The following MYO5B variants were observed in gnomAD, a reference collection of about 807,000 sequenced individuals.
MYO5B encodes unconventional myosin-Vb.
A neutral mutation model predicts 229.3 loss-of-function variants in MYO5B; 143 were observed. That is an observed-to-expected ratio of 0.62 (90% CI 0.54 to 0.72). The LOEUF (loss-of-function observed/expected upper bound fraction) is 0.72, where lower values mean the gene tolerates loss of function less well. Among genes scored for constraint, MYO5B ranks in the 30% least tolerant of loss-of-function variants. The probability of loss-of-function intolerance (pLI) is 0.00; values close to 1 mark genes in which losing one functional copy is unlikely to be tolerated. For synonymous variants in MYO5B, 918 were observed against 885.2 expected (o/e 1.04, Z -0.66); for missense variants, 2,321 against 2,331.0 (o/e 1.00, Z 0.09).
intron 14 of MYO5B, among the ~76,000 whole-genome samples, chr18:49,941,004 C>T (rs1246865085): frequency 6.6e-6 from 1 of 152,176 alleles, no homozygotes; most frequent in Non-Finnish European, 1.5e-5. Flanking sequence ...GTTTTAGAGT[C>T]AAGAGAAATT....
chr18:50,033,680 G>T (rs2026415646), intron 4 of MYO5B, among the ~76,000 whole-genome samples: 1 of 152,174 alleles, frequency 6.6e-6, no homozygotes, highest in Non-Finnish European at 1.5e-5. Context: ...ACACAGCTAA[G>T]AAGTGGAGGT....
intron 1 of MYO5B, among the ~76,000 whole-genome samples, chr18:50,062,984 A>T (rs2030726081): frequency 6.6e-6 from 1 of 152,152 alleles, no homozygotes; most frequent in Non-Finnish European, 1.5e-5. Context: ...GTTAGGATTA[A>T]ATAATGTATA....
chr18:49,887,744 G>A (rs565155314), intron 22 of MYO5B, among the ~76,000 whole-genome samples: 24 of 152,190 alleles, frequency 1.6e-4, no homozygotes, highest in South Asian at 6.2e-4. Context: ...GCAGTGGCGC[G>A]ATCTCAGCTC....
intron 5 of MYO5B, among the ~76,000 whole-genome samples, chr18:49,996,454 CCACACAATCAGATGCTATAAAG>C (rs2025988254): frequency 6.6e-6 from 1 of 152,120 alleles, no homozygotes; most frequent in Non-Finnish European, 1.5e-5. Flanking sequence ...TGTGGTATAT[CCACACAATCAGATGCTATAAAG>C]CTGTTAAAAG....
chr18:50,074,415 G>A (rs1288374528), intron 1 of MYO5B, among the ~76,000 whole-genome samples: 4 of 152,098 alleles, frequency 2.6e-5, no homozygotes, highest in South Asian at 2.1e-4. Context: ...AGGGCCCATC[G>A]GATGTCACTT....
Position 49,839,151 on chromosome 18 carries a change from C to T in MYO5B, c.4845G>A (p.Pro1615=), listed in dbSNP as rs769330357. 172 of 1,613,290 alleles carry T rather than the reference C, an allele frequency of 1.1e-4. No individual in the cohort carries two copies. The highest frequency in any genetic ancestry group is 1.2e-4 in the Non-Finnish European group (147 of 1,180,028). The change falls in exon 36 of 40, where the codon CCG becomes CCA. Residue 1615 remains proline (P), a synonymous_variant. Coordinates refer to ENST00000285039, the MANE Select transcript of MYO5B (RefSeq NM_001080467.3). Reference sequence around the variant, plus strand: ...CTCCTGCTGCCAGCTTACCTATCATCGGCTGTAACACGCCCTCGGCAATTT... The same window carrying T: ...CTCCTGCTGCCAGCTTACCTATCATTGGCTGTAACACGCCCTCGGCAATTT... ...LIKIAEGVLQ[P]MIVSAMLENE... is the part of the protein sequence containing the mutation.
At chr18:50,129,958 C>G (rs1362883337) in intron 1 of MYO5B, among the ~76,000 whole-genome samples, 1 of 152,198 alleles carries the variant, frequency 6.6e-6, no homozygotes, top group East Asian at 1.9e-4. Flanking sequence ...CCAATGACCA[C>G]CGCCCCACCT....
At chr18:50,002,035 C>A (rs1358160218) in intron 4 of MYO5B, among the ~76,000 whole-genome samples, 52 of 129,320 alleles carry the variant, frequency 4.0e-4, no homozygotes, top group Admixed American at 5.7e-4. Flanking sequence ...AACTCCGTCT[C>A]AAAAAAAAAA....
chr18:50,077,187 A>AAAAAAAAAAAAAAAAAAAAT, intron 1 of MYO5B, among the ~76,000 whole-genome samples: 1 of 150,782 alleles, frequency 6.6e-6, no homozygotes, highest in Non-Finnish European at 1.5e-5. Context: ...AAAAAAAAAA[A>AAAAAAAAAAAAAAAAAAAAT]AAAAAAGACA....
At chr18:49,944,571 T>C (rs1445986591) in intron 14 of MYO5B, among the ~76,000 whole-genome samples, 5 of 152,108 alleles carry the variant, frequency 3.3e-5, no homozygotes, top group Non-Finnish European at 7.4e-5. Flanking sequence ...TGCAACTTGA[T>C]AGCCGTGTGG....
intron 4 of MYO5B, among the ~76,000 whole-genome samples, chr18:50,036,149 A>T (rs2026445881): frequency 6.6e-6 from 1 of 152,258 alleles, no homozygotes; most frequent in Non-Finnish European, 1.5e-5. Context: ...GGCTGAAAGA[A>T]TCTAGCATTT....
rs189027956 is a variant in MYO5B at position 49,980,469 on chromosome 18, C to A, written c.1031G>T (p.Arg344Leu). 2 of 1,613,214 alleles carry A rather than the reference C, an allele frequency of 1.2e-6. No homozygotes were observed. Among genetic ancestry groups the A allele is most frequent in the South Asian group, 2.2e-5 (2 of 91,062 alleles). Residue 344 changes from arginine (R) to leucine (L), a missense_variant, in exon 9 of 40, where the codon CGT (arginine) becomes CTT (leucine). This residue lies in a region of MYO5B where 2,113 missense variants were observed against 2,044.7 expected (regional missense o/e 1.03). Coordinates refer to ENST00000285039, the MANE Select transcript of MYO5B (RefSeq NM_001080467.3). ...TGATATACTACAGGAATCACCATCA[C>A]GCTCAGCCTGAATCGCCACACTTCC... ...HLGSVAIQAE[R>L]DGDSCSISPQ...
intron 1 of MYO5B, among the ~76,000 whole-genome samples, chr18:50,110,141 G>T (rs1396328691): frequency 6.6e-6 from 1 of 152,152 alleles, no homozygotes; most frequent in East Asian, 1.9e-4. Flanking sequence ...TCTTTTCCCA[G>T]ATATCCACGC....
rs529614450 is a variant in MYO5B, at chr18:50,084,934, C to A, written c.28-29556G>T. 7.7e-4 allele frequency among the ~76,000 whole-genome samples: 117 copies of A among 152,170 alleles called. 1 individual carries two copies. The highest frequency in any genetic ancestry group is 3.4e-3 in the Middle Eastern group (1 of 294). ...TCATTCAAGATGGATTAAAGACTTACATGTTAGACCTAAAACCATAAAAAC... is the reference window on the plus strand; with the variant it reads ...TCATTCAAGATGGATTAAAGACTTAAATGTTAGACCTAAAACCATAAAAAC... On this transcript the variant is annotated intron_variant, in intron 1 of 39. Transcript: ENST00000285039.
chr18:50,157,207 G>A (rs1447042050), intron 1 of MYO5B, among the ~76,000 whole-genome samples: 2 of 151,384 alleles, frequency 1.3e-5, no homozygotes, highest in Non-Finnish European at 3.0e-5. Context: ...CTGGGTTCAA[G>A]TGATTCTCCT....
At chr18:49,880,030 C>T (rs1237303) in intron 23 of MYO5B, among the ~76,000 whole-genome samples, 91,757 of 152,090 alleles carry the variant, frequency 0.6, 27,723 homozygotes, top group Middle Eastern at 0.67. Flanking sequence ...ATGAGCCCCC[C>T]GATGTCTGGA....
chr18:49,852,160 T>C (rs1004627226), intron 31 of MYO5B, among the ~76,000 whole-genome samples: 1 of 152,254 alleles, frequency 6.6e-6, no homozygotes, highest in Non-Finnish European at 1.5e-5. Flanking sequence ...CTCTCCTAAG[T>C]GTGGCCTTGG....
At chr18:50,136,647 G>T (rs2032340942) in intron 1 of MYO5B, among the ~76,000 whole-genome samples, 1 of 152,158 alleles carries the variant, frequency 6.6e-6, no homozygotes, top group Admixed American at 6.5e-5. Flanking sequence ...GTTGGTAACT[G>T]CATGGAAGGA....
intron 1 of MYO5B, among the ~76,000 whole-genome samples, chr18:50,099,778 C>G (rs16951520): frequency 0.25 from 38,322 of 152,064 alleles, 5,797 homozygotes; most frequent in African/African-American, 0.43. Context: ...GTATCTTGTA[C>G]TTATGTTCCC....
Sources: allele counts gnomAD v4.1 joint callset (sites outside exome capture counted in the v4.1 genomes callset), GRCh38; gene constraint gnomAD v4.1.1; regional missense constraint gnomAD v4.1.1; transcripts MANE v1.5; gene names NCBI Gene and HGNC (gene_info 2026-07-23, HGNC 2026-07-21).